The following CHKA variants were observed in gnomAD, a reference collection of about 807,000 sequenced individuals.
The protein encoded by CHKA is CHETK-alpha.
A neutral mutation model predicts 60.1 loss-of-function variants in CHKA; 34 were observed. The observed-to-expected ratio is 0.57, with a 90% CI of 0.43 to 0.75. The LOEUF is 0.75. Among genes scored for constraint, CHKA ranks in the 30% least tolerant of loss-of-function variants. The pLI is 0.00. For synonymous variants in CHKA, 217 were observed against 223.1 expected, an observed-to-expected ratio of 0.97 and a Z score of 0.24; for missense variants, 563 against 561.3, an observed-to-expected ratio of 1.00 and a Z score of -0.03.
chr11:68,062,172 A>G, intron 10 of CHKA, 138 bp from the exon 11 acceptor site: 1 of 639,902 alleles, frequency 1.6e-6, no homozygotes, highest in Non-Finnish European at 2.8e-6. Flanking sequence ...ATGGGTCTAT[A>G]TTCCACGGGA....
At chr11:68,068,132 C>T (rs947989089) in intron 7 of CHKA, among the ~76,000 whole-genome samples, 1 of 151,946 alleles carries the variant, frequency 6.6e-6, no homozygotes, top group East Asian at 1.9e-4. Context: ...CAGAGAAGCC[C>T]GAAATAATTA....
chr11:68,062,151 G>T, intron 10 of CHKA, 117 bp from the exon 11 acceptor site: 1 of 718,646 alleles, frequency 1.4e-6, no homozygotes, highest in Non-Finnish European at 2.4e-6. Flanking sequence ...CCTAGTTAGT[G>T]TTGGCAAATC....
chr11:68,066,354 CTAATAACTGTTAATTAAGCATATCG>C (rs1856444663), intron 8 of CHKA, 50 bp downstream of exon 8: 4 of 1,267,764 alleles, frequency 3.2e-6, no homozygotes, highest in Non-Finnish European at 4.6e-6. Flanking sequence ...CTTATTTTCT[CTAATAACTGTTAATTAAGCATATCG>C]TAATGATAAA....
intron 11 of CHKA, among the ~76,000 whole-genome samples, chr11:68,055,916 T>C (rs886214118): frequency 2.0e-5 from 3 of 147,930 alleles, no homozygotes; most frequent in Non-Finnish European, 4.5e-5. Flanking sequence ...GGCATGGTGG[T>C]GGGCTCCTGT....
intron 4 of CHKA, among the ~76,000 whole-genome samples, chr11:68,072,550 TA>T (rs10708078): frequency 0.52 from 58,182 of 112,694 alleles, 14,240 homozygotes; most frequent in Middle Eastern, 0.67. Flanking sequence ...GACCCTATCT[TA>T]AAAAAAAAAA....
intron 1 of CHKA, among the ~76,000 whole-genome samples, chr11:68,098,636 AT>A (rs1455501368): frequency 2.6e-5 from 4 of 152,160 alleles, no homozygotes; most frequent in African/African-American, 9.7e-5. Context: ...ATATTTTTAA[AT>A]TGTTAAAATT....
chr11:68,070,698 T>C (rs763231816), intron 5 of CHKA, 26 bp downstream of exon 5: 13 of 1,604,790 alleles, frequency 8.1e-6, no homozygotes, highest in Non-Finnish European at 1.0e-5. Flanking sequence ...AAAACTATGT[T>C]AGGACCAAGT....
Position 68,052,869 on chromosome 11 carries a change from A to AT in CHKA, c.*1118dup, listed in dbSNP as rs1470605875. On this transcript the variant is annotated 3_prime_UTR_variant, in exon 12 of 12. Transcript: ENST00000265689. ...GGTGACAGCTTGAGGTTGGGTTTTTATTTTTTTATTTGTATAGTACAATCT... is the reference window on the plus strand; with the variant it reads ...GGTGACAGCTTGAGGTTGGGTTTTTATTTTTTTTATTTGTATAGTACAATCT... 1.3e-5 allele frequency: 2 copies of AT among 152,180 alleles called. No individual in the cohort carries two copies. The highest frequency in any genetic ancestry group is 1.5e-5 in the Non-Finnish European group (1 of 68,012). The allele number at this position is 152,180 out of a possible 1,614,324, so 9.4% of individuals were successfully genotyped here. A position where few individuals can be genotyped will look rare whatever the true frequency, so the allele number is the denominator to read the frequency against.
chr11:68,098,288 A>AG (rs1380377643), intron 1 of CHKA, among the ~76,000 whole-genome samples: 72 of 150,286 alleles, frequency 4.8e-4, no homozygotes, highest in African/African-American at 1.4e-3. Flanking sequence ...AAAAAAAAAA[A>AG]AAAAGAAAAA....
At chr11:68,105,297 A>G (rs1857871209) in intron 1 of CHKA, among the ~76,000 whole-genome samples, 1 of 151,734 alleles carries the variant, frequency 6.6e-6, no homozygotes, top group Admixed American at 6.6e-5. Context: ...CGGGTGGATC[A>G]TGAGGTCAGG....
At chr11:68,113,399 T>C (rs963390738) in intron 1 of CHKA, among the ~76,000 whole-genome samples, 2 of 151,928 alleles carry the variant, frequency 1.3e-5, no homozygotes, top group Admixed American at 6.6e-5. Context: ...AAGTTGCAAA[T>C]TAAAATAAGA....
chr11:68,100,446 C>T (rs548131906), intron 1 of CHKA, among the ~76,000 whole-genome samples: 23 of 151,658 alleles, frequency 1.5e-4, no homozygotes, highest in Non-Finnish European at 2.4e-4. Flanking sequence ...AAAAATTAGC[C>T]GGGCATGGTG....
chr11:68,075,789 A>T (rs530737768), intron 3 of CHKA, among the ~76,000 whole-genome samples: 255 of 152,058 alleles, frequency 1.7e-3, no homozygotes, highest in African/African-American at 5.1e-3. Flanking sequence ...GTCTCTTTTT[A>T]AAAAAAAGAG....
At chr11:68,061,928 A>C (rs1051399282) in intron 11 of CHKA, 25 bp downstream of exon 11, 6 of 1,517,616 alleles carry the variant, frequency 4.0e-6, no homozygotes, top group Non-Finnish European at 4.4e-6. Flanking sequence ...AGAAAAAAAA[A>C]AACAAAAACG....
intron 2 of CHKA, among the ~76,000 whole-genome samples, chr11:68,085,260 GTC>G (rs1857143976): frequency 1.3e-5 from 2 of 152,160 alleles, no homozygotes; most frequent in East Asian, 1.9e-4. Flanking sequence ...GTCTCGCTCT[GTC>G]TCTCAGGTTG....
At chr11:68,070,576 T>C in intron 5 of CHKA, 148 bp downstream of exon 5, 1 of 844,482 alleles carries the variant, frequency 1.2e-6, no homozygotes. Context: ...AAAGACTTAC[T>C]TATGAGACAA....
At chr11:68,098,192 A>T (rs1590870780) in intron 1 of CHKA, among the ~76,000 whole-genome samples, 1 of 146,510 alleles carries the variant, frequency 6.8e-6, no homozygotes, top group Admixed American at 7.1e-5. Flanking sequence ...AATCGCTTGA[A>T]CCCAGGAGGC....
intron 11 of CHKA, among the ~76,000 whole-genome samples, chr11:68,058,243 G>A (rs1856099020): frequency 6.6e-6 from 1 of 152,244 alleles, no homozygotes; most frequent in South Asian, 2.1e-4. Context: ...GTGCTTCAGA[G>A]AAGTCTTATA....
chr11:68,074,665 C>A (rs921014127), intron 4 of CHKA, 52 bp downstream of exon 4: 4 of 1,498,284 alleles, frequency 2.7e-6, no homozygotes, highest in Admixed American at 1.7e-5. Flanking sequence ...GACAAAGAAG[C>A]CATCTTCTGT....
Sources: allele counts gnomAD v4.1 joint callset (sites outside exome capture counted in the v4.1 genomes callset), GRCh38; gene constraint gnomAD v4.1.1; transcripts MANE v1.5; gene names NCBI Gene and HGNC (gene_info 2026-07-23, HGNC 2026-07-21).